NAPB: variants seen among roughly 807,000 people sequenced by gnomAD.
NAPB encodes the protein beta-soluble NSF attachment protein.
A neutral mutation model predicts 44.7 loss-of-function variants in NAPB; 26 were observed. The observed-to-expected ratio is 0.58, with a 90% CI of 0.43 to 0.81. The LOEUF is 0.81. NAPB is among the 30% of genes least tolerant of loss of function. The probability of loss-of-function intolerance (pLI) is 0.00; values close to 1 mark genes in which losing one functional copy is unlikely to be tolerated. For synonymous variants in NAPB, 120 were observed against 116.8 expected, an observed-to-expected ratio of 1.03 and a Z score of -0.18; for missense variants, 315 against 356.4, an observed-to-expected ratio of 0.88 and a Z score of 0.94.
chr20:23,380,585 C>T (rs1230217546), intron 8 of NAPB: 5 of 151,106 alleles, frequency 3.3e-5, no homozygotes, highest in African/African-American at 7.3e-5. Flanking sequence ...TGCAGTGGTG[C>T]GATCTCAGCT....
intron 3 of NAPB, 90 bp from the exon 4 acceptor site, chr20:23,395,275 C>G (rs986304876): frequency 9.1e-5 from 124 of 1,366,286 alleles, no homozygotes; most frequent in Non-Finnish European, 1.2e-4. Context: ...GTTATCAGAA[C>G]GTTAATGAGG....
rs1198656058 is a variant in NAPB, at chr20:23,403,052, T to C, written c.119A>G (p.Glu40Gly). 1 of 1,613,402 alleles carries C rather than the reference T, an allele frequency of 6.2e-7. No individual in the cohort carries two copies. The highest frequency in any genetic ancestry group is 8.5e-7 in the Non-Finnish European group (1 of 1,179,814). The change falls in exon 2 of 11, where the codon GAG becomes GGG. Residue 40 changes from glutamate to glycine, a missense_variant. Coordinates refer to ENST00000377026, the MANE Select transcript of NAPB (RefSeq NM_022080.3). ...GLFGGNTRIE[E>G]ACEMYTRAAN... Reference sequence around the variant, plus strand: ...AGCTCTGGTATACATTTCACAAGCCTCTTCTATTCTTGTGTTTCCTCTGAG... The same window carrying C: ...AGCTCTGGTATACATTTCACAAGCCCCTTCTATTCTTGTGTTTCCTCTGAG...
intron 2 of NAPB, among the ~76,000 whole-genome samples, chr20:23,402,449 A>G (rs1984921224): frequency 6.6e-6 from 1 of 152,196 alleles, no homozygotes; most frequent in Non-Finnish European, 1.5e-5. Context: ...AGAAAGCATT[A>G]CTTTAAAAAA....
intron 2 of NAPB, among the ~76,000 whole-genome samples, chr20:23,401,268 C>T (rs1984820634): frequency 6.6e-6 from 1 of 152,160 alleles, no homozygotes; most frequent in African/African-American, 2.4e-5. Context: ...TGTTACGTTA[C>T]TTCATTAACA....
At chr20:23,411,784 T>C (rs1985673613) in intron 1 of NAPB, among the ~76,000 whole-genome samples, 2 of 151,974 alleles carry the variant, frequency 1.3e-5, no homozygotes, top group East Asian at 1.9e-4. Context: ...ATTTATAGCA[T>C]AAAGGTAACC....
chr20:23,389,827 G>A (rs1002682469), intron 7 of NAPB, 119 bp downstream of exon 7: 11 of 791,412 alleles, frequency 1.4e-5, no homozygotes, highest in South Asian at 9.0e-5. Flanking sequence ...ACTAAAAACC[G>A]CTGAACTGTA....
intron 1 of NAPB, among the ~76,000 whole-genome samples, chr20:23,416,386 C>A (rs771009478): frequency 1.3e-5 from 2 of 152,136 alleles, no homozygotes; most frequent in Non-Finnish European, 2.9e-5. Flanking sequence ...AGTTATATAG[C>A]TCTGTGCAAC....
intron 7 of NAPB, among the ~76,000 whole-genome samples, chr20:23,387,990 C>G (rs1167999426): frequency 3.9e-5 from 6 of 152,236 alleles, no homozygotes; most frequent in Middle Eastern, 3.4e-3. Flanking sequence ...TACTGAAAAC[C>G]TGAATAAAAT....
intron 7 of NAPB, 28 bp from the exon 8 acceptor site, chr20:23,381,345 A>G (rs780831447): frequency 6.9e-7 from 1 of 1,447,756 alleles, no homozygotes; most frequent in Non-Finnish European, 9.3e-7. Flanking sequence ...AGTTAAATTT[A>G]AAAGATTTAC....
At chr20:23,397,338 CG>C (rs1600580285) in intron 2 of NAPB, 150 bp from the exon 3 acceptor site, 1 of 884,784 alleles carries the variant, frequency 1.1e-6, no homozygotes, top group Non-Finnish European at 1.6e-6. Flanking sequence ...CAGTGCACCT[CG>C]GGCAAATATA....
At chr20:23,394,846 A>G in intron 5 of NAPB, 76 bp downstream of exon 5, 2 of 1,431,858 alleles carry the variant, frequency 1.4e-6, no homozygotes, top group Non-Finnish European at 2.0e-6. Flanking sequence ...GATCACTCTC[A>G]GACTGAGGAG....
chr20:23,396,039 C>G (rs1984336774), intron 3 of NAPB, among the ~76,000 whole-genome samples: 1 of 152,172 alleles, frequency 6.6e-6, no homozygotes, highest in Non-Finnish European at 1.5e-5. Flanking sequence ...GAAAAATAAT[C>G]TATCAATAAT....
chr20:23,395,060 G>A, intron 4 of NAPB, 61 bp from the exon 5 acceptor site: 1 of 1,611,792 alleles, frequency 6.2e-7, no homozygotes, highest in Non-Finnish European at 8.5e-7. Flanking sequence ...GCCAGTTTGG[G>A]AACATAAAAA....
chr20:23,392,651 C>G (rs903446417), intron 5 of NAPB, among the ~76,000 whole-genome samples: 1 of 151,310 alleles, frequency 6.6e-6, no homozygotes, highest in African/African-American at 2.4e-5. Flanking sequence ...GCCTGTGGAA[C>G]AGAATGAGGC....
rs541439115 is a variant in NAPB at position 23,387,917 on chromosome 20, G to A, written c.561+2029C>T. On this transcript the variant is annotated intron_variant, in intron 7 of 10. Coordinates refer to ENST00000377026, the MANE Select transcript of NAPB (RefSeq NM_022080.3). ...TGGGGTGTTTCTGAATGAGATTAAC[G>A]TTTGCATCAGTAGGATGAATAAGCA... is the stretch of plus-strand genomic sequence containing the variant. 5.3e-5 allele frequency among the ~76,000 whole-genome samples: 8 copies of A among 152,216 alleles called. No homozygotes were observed. The South Asian group carries it at 1.5e-3, about 28-fold the overall frequency.
rs1458788996 is a variant in NAPB at position 23,396,673 on chromosome 20, A to T, written c.295+399T>A. 22 of 152,600 alleles carry T rather than the reference A, an allele frequency of 1.4e-4. 1 individual carries two copies. The highest frequency in any genetic ancestry group is 1.4e-3 in the Admixed American group (22 of 15,292). 9.5% of individuals were successfully genotyped at this position (152,600 alleles called of 1,614,324 possible). A position where few individuals can be genotyped will look rare whatever the true frequency, so the allele number is the denominator to read the frequency against. ...AATATTACAATCTCCCATTAACTGG[A>T]TCTGAAAACTCCTTAGGTATTTAGG... On this transcript the variant is annotated intron_variant, in intron 3 of 10. Transcript: ENST00000377026.
At chr20:23,408,879 A>G (rs1985444953) in intron 1 of NAPB, among the ~76,000 whole-genome samples, 1 of 152,226 alleles carries the variant, frequency 6.6e-6, no homozygotes, top group Non-Finnish European at 1.5e-5. Flanking sequence ...CCCCATCAAT[A>G]TATGCAATAC....
At chr20:23,418,594 T>A (rs990254680) in intron 1 of NAPB, among the ~76,000 whole-genome samples, 7 of 152,172 alleles carry the variant, frequency 4.6e-5, no homozygotes, top group African/African-American at 1.7e-4. Flanking sequence ...TAAATCACAC[T>A]TGCATGGTAC....
chr20:23,414,193 G>A (rs1174373531), intron 1 of NAPB, among the ~76,000 whole-genome samples: 1 of 152,122 alleles, frequency 6.6e-6, no homozygotes, highest in Admixed American at 6.5e-5. Context: ...ATGGTGGCCT[G>A]TGCCTGTAAT....
Sources: gnomAD v4.1 joint callset for allele counts (sites outside exome capture counted in the v4.1 genomes callset) on GRCh38, gnomAD v4.1.1 for gene constraint, MANE v1.5 for transcripts, NCBI Gene and HGNC (gene_info 2026-07-23, HGNC 2026-07-21) for gene names.